Variants in PLD5 observed in about 807,000 individuals in gnomAD.
The protein encoded by PLD5 is inactive phospholipase D5.
PLD5 carries 36 observed loss-of-function variants against 61.1 expected under a neutral mutation model. That is an observed-to-expected ratio of 0.59 (90% CI 0.45 to 0.78). PLD5 has a LOEUF of 0.78. Among genes scored for constraint, PLD5 ranks in the 30% least tolerant of loss-of-function variants. PLD5 has a pLI of 0.00. For synonymous variants in PLD5, 243 were observed against 242.8 expected (o/e 1.00, Z -0.01); for missense variants, 515 against 644.4 (o/e 0.80, Z 2.17).
chr1:242,477,396 A>G (rs1572213712), intron 1 of PLD5, among the ~76,000 whole-genome samples: 3 of 152,348 alleles, frequency 2.0e-5, no homozygotes, highest in Admixed American at 2.0e-4. Context: ...TAGGTGCAAG[A>G]TCAGTAAAGC....
At position 242,089,735 on chromosome 1, in the gene PLD5, T is replaced by C; in HGVS notation, c.*119A>G. The C allele has an allele frequency of 2.3e-6, 3 of 1,320,210 alleles. No individual in the cohort carries two copies. Among genetic ancestry groups the C allele is most frequent in the Non-Finnish European group, 2.1e-6 (2 of 948,218 alleles). 81.8% of individuals were successfully genotyped at this position (1,320,210 alleles called of 1,614,324 possible). ...GGTATTATGTGTTGTTCAGAGAATA[T>C]TTTTTATAAGTGTGCTTTTTCCCTA... On this transcript the variant is annotated 3_prime_UTR_variant, in exon 10 of 10. Transcript: ENST00000536534.
At position 242,124,501 on chromosome 1, in the gene PLD5, C is replaced by T. The variant is rs1211911256; in HGVS notation, c.900G>A (p.Gln300=). Residue 300 remains glutamine, a synonymous_variant, in exon 6 of 10, where the codon CAG becomes CAA. Coordinates refer to ENST00000536534, the MANE Select transcript of PLD5 (RefSeq NM_001372062.1). ...VYDNEKKLQL[Q]LNETKSQAFV... ...ATGCTTGAGATTTGGTTTCATTCAACTGAAGTTGCAATTTCTTTTCATTGT... is the reference window on the plus strand; with the variant it reads ...ATGCTTGAGATTTGGTTTCATTCAATTGAAGTTGCAATTTCTTTTCATTGT... 1.2e-6 allele frequency: 2 copies of T among 1,614,058 alleles called. No homozygotes were observed. Among genetic ancestry groups the T allele is most frequent in the South Asian group, 2.2e-5 (2 of 91,066 alleles).
chr1:242,230,880 T>G (rs545703358), intron 4 of PLD5, among the ~76,000 whole-genome samples: 1 of 152,360 alleles, frequency 6.6e-6, no homozygotes, highest in East Asian at 1.9e-4. Context: ...GTCTCTTCCC[T>G]GTCATATATT....
chr1:242,521,006 G>T (rs1490071879), intron 1 of PLD5, among the ~76,000 whole-genome samples: 1 of 152,154 alleles, frequency 6.6e-6, no homozygotes, highest in Non-Finnish European at 1.5e-5. Context: ...GGAAACAAAA[G>T]ATTTTAACAA....
chr1:242,257,974 C>T (rs1673175164), intron 4 of PLD5, among the ~76,000 whole-genome samples: 1 of 152,102 alleles, frequency 6.6e-6, no homozygotes, highest in African/African-American at 2.4e-5. Context: ...ATGATTAGCC[C>T]CTCTTTTTTC....
At position 242,089,845 on chromosome 1, in the gene PLD5, TTCA is replaced by T; in HGVS notation, c.*6_*8del. 1.2e-6 allele frequency: 2 copies of T among 1,614,098 alleles called. No individual in the cohort carries two copies. The highest frequency in any genetic ancestry group is 1.1e-5 in the South Asian group (1 of 91,078). On this transcript the variant is annotated 3_prime_UTR_variant, in exon 10 of 10. Coordinates refer to ENST00000536534, the MANE Select transcript of PLD5 (RefSeq NM_001372062.1). ...AATACAGAGCTGTCCTGTCAGTTTC[TTCA>T]TCATGTTATACGTTCCGGGGATCCT...
chr1:242,348,013 G>C, intron 2 of PLD5, 93 bp downstream of exon 2: 1 of 1,480,210 alleles, frequency 6.8e-7, no homozygotes, highest in Non-Finnish European at 9.2e-7. Flanking sequence ...GGATGACTAC[G>C]TGTGTTTATG....
intron 1 of PLD5, among the ~76,000 whole-genome samples, chr1:242,384,720 T>C (rs993250814): frequency 1.3e-5 from 2 of 152,210 alleles, no homozygotes; most frequent in Non-Finnish European, 1.5e-5. Flanking sequence ...CTTGGTGTGA[T>C]TGGGTTACCA....
chr1:242,141,618 TTGCAAAC>T (rs146851007), intron 5 of PLD5, among the ~76,000 whole-genome samples: 2,920 of 152,322 alleles, frequency 0.019, 101 homozygotes, highest in African/African-American at 0.067. Context: ...TTTTGTGAGT[TTGCAAAC>T]TTATCCTGTA....
At chr1:242,494,075 C>CCTCCA (rs1668271042) in intron 1 of PLD5, among the ~76,000 whole-genome samples, 2 of 126,308 alleles carry the variant, frequency 1.6e-5, no homozygotes, top group African/African-American at 6.1e-5. Flanking sequence ...CCTCCACTCC[C>CCTCCA]CTCCCCTGCC....
intron 7 of PLD5, among the ~76,000 whole-genome samples, chr1:242,112,319 G>GTGTGTA (rs1553301144): frequency 1.6e-4 from 15 of 94,514 alleles, no homozygotes; most frequent in Non-Finnish European, 2.7e-4. Flanking sequence ...GTGTGTGTGT[G>GTGTGTA]TGTGTATGTA....
chr1:242,453,777 CT>C (rs1666861321), intron 1 of PLD5, among the ~76,000 whole-genome samples: 2 of 152,296 alleles, frequency 1.3e-5, no homozygotes, highest in Admixed American at 6.5e-5. Flanking sequence ...CTGTCCACCC[CT>C]CTCTCATAAA....
chr1:242,262,168 G>T (rs1314500845), intron 4 of PLD5, among the ~76,000 whole-genome samples: 1 of 152,128 alleles, frequency 6.6e-6, no homozygotes, highest in Non-Finnish European at 1.5e-5. Context: ...TATCCAACAT[G>T]TATTGGTCTT....
At chr1:242,347,204 T>C (rs1660189495) in intron 2 of PLD5, among the ~76,000 whole-genome samples, 1 of 152,168 alleles carries the variant, frequency 6.6e-6, no homozygotes, top group African/African-American at 2.4e-5. Context: ...AAGCAAAATA[T>C]CCAGGATAAA....
intron 8 of PLD5, among the ~76,000 whole-genome samples, chr1:242,104,339 G>A (rs905238792): frequency 7.6e-6 from 1 of 131,946 alleles, no homozygotes; most frequent in African/African-American, 2.9e-5. Flanking sequence ...TTGCCATGTT[G>A]TCCAGGCTGG....
chr1:242,096,810 T>G (rs1660275730), intron 9 of PLD5, among the ~76,000 whole-genome samples: 1 of 152,100 alleles, frequency 6.6e-6, no homozygotes, highest in Non-Finnish European at 1.5e-5. Context: ...TTGTTACATA[T>G]GTATACATGT....
At chr1:242,413,169 T>C (rs1457389135) in intron 1 of PLD5, among the ~76,000 whole-genome samples, 1 of 152,222 alleles carries the variant, frequency 6.6e-6, no homozygotes, top group African/African-American at 2.4e-5. Flanking sequence ...TTCTGCTTTC[T>C]GGAGCTCCAT....
intron 1 of PLD5, among the ~76,000 whole-genome samples, chr1:242,394,376 ATGTGTGTATATATGAGTATATATG>A (rs1663245863): frequency 1.0e-5 from 1 of 100,008 alleles, no homozygotes; most frequent in East Asian, 2.6e-4. Context: ...ATGAGTATAT[ATGTGTGTATATATGAGTATATATG>A]TGTGTATATA....
chr1:242,260,092 T>C (rs1673296231), intron 4 of PLD5, among the ~76,000 whole-genome samples: 1 of 152,154 alleles, frequency 6.6e-6, no homozygotes, highest in South Asian at 2.1e-4. Flanking sequence ...CTCACGCCTG[T>C]ACTCCCAACA....
Sources: gnomAD v4.1 joint callset for allele counts (sites outside exome capture counted in the v4.1 genomes callset) on GRCh38, gnomAD v4.1.1 for gene constraint, MANE v1.5 for transcripts, NCBI Gene and HGNC (gene_info 2026-07-23, HGNC 2026-07-21) for gene names.